The following CALD1 variants were observed in gnomAD, a reference collection of about 807,000 sequenced individuals.
CALD1 encodes the protein caldesmon.
In CALD1, 33 loss-of-function variants were observed where a neutral mutation model predicts 99.9. The observed-to-expected ratio is 0.33, with a 90% CI of 0.25 to 0.44. The LOEUF (loss-of-function observed/expected upper bound fraction) is 0.44, where lower values mean the gene tolerates loss of function less well. Among genes scored for constraint, CALD1 ranks in the 20% least tolerant of loss-of-function variants. The pLI, the probability that CALD1 is intolerant of heterozygous loss-of-function variation, is 1.00. For synonymous variants in CALD1, 310 were observed against 325.0 expected, an observed-to-expected ratio of 0.95 and a Z score of 0.50; for missense variants, 861 against 962.1, an observed-to-expected ratio of 0.89 and a Z score of 1.39.
chr7:134,947,386 G>A (rs1806968767), intron 7 of CALD1, 122 bp from the exon 8 acceptor site: 1 of 987,792 alleles, frequency 1.0e-6, no homozygotes, highest in South Asian at 1.7e-5. Flanking sequence ...CTACCCCCTG[G>A]GCTAATGAGA....
intron 1 of CALD1, among the ~76,000 whole-genome samples, chr7:134,747,202 A>G (rs1796642148): frequency 6.6e-6 from 1 of 152,212 alleles, no homozygotes; most frequent in South Asian, 2.1e-4. Flanking sequence ...GGAACCAAAG[A>G]TAGAAGAAGT....
intron 14 of CALD1, 92 bp from the exon 15 acceptor site, chr7:134,968,248 T>C (rs1808818448): frequency 1.0e-6 from 1 of 998,482 alleles, no homozygotes; most frequent in Admixed American, 1.7e-5. Flanking sequence ...TATTCATTTT[T>C]CTTCTGACTA....
At chr7:134,749,602 A>C (rs977480016) in intron 1 of CALD1, among the ~76,000 whole-genome samples, 2 of 152,136 alleles carry the variant, frequency 1.3e-5, no homozygotes, top group Non-Finnish European at 2.9e-5. Flanking sequence ...AAAAAGAGCG[A>C]AAAAAAGCAA....
intron 3 of CALD1, among the ~76,000 whole-genome samples, chr7:134,911,786 CT>C (rs1338200249): frequency 6.6e-6 from 1 of 152,216 alleles, no homozygotes; most frequent in Non-Finnish European, 1.5e-5. Flanking sequence ...TAAATCCCTG[CT>C]TTATGCAAGG....
rs766006875 is a variant in CALD1, at chr7:134,783,180, T to C, written c.-130+3431T>C. ...AGGAACACCTGGCTGTGGTTCCTGT[T>C]GGTATTGAAACCAGACTGCTCCACG... On this transcript the variant is annotated intron_variant, in intron 1 of 14. Coordinates refer to ENST00000361675, the MANE Select transcript of CALD1 (RefSeq NM_033138.4). The surrounding 1 kb of genome is among the most constrained non-coding windows in gnomAD (Gnocchi z 4.3). Among the ~76,000 whole-genome samples the C allele has an allele frequency of 1.3e-5, 2 of 152,202 alleles. No individual in the cohort carries two copies. The highest frequency in any genetic ancestry group is 2.4e-5 in the African/African-American group (1 of 41,438).
chr7:134,928,505 G>A lies in CALD1; in HGVS notation c.72-249G>A, dbSNP rs1207486852. ...ACTTGCTTTTGTGCAGAATGTTTTAGTTTAAGTTGTTATTTGGTCATTGTA... is the reference window on the plus strand; with the variant it reads ...ACTTGCTTTTGTGCAGAATGTTTTAATTTAAGTTGTTATTTGGTCATTGTA... On this transcript the variant is annotated intron_variant, in intron 3 of 14. Coordinates refer to ENST00000361675, the MANE Select transcript of CALD1 (RefSeq NM_033138.4). 3.4e-5 allele frequency among the ~76,000 whole-genome samples: 5 copies of A among 148,824 alleles called. No homozygotes were observed. The South Asian group carries it at 1.1e-3, about 32-fold the overall frequency.
intron 6 of CALD1, among the ~76,000 whole-genome samples, chr7:134,938,613 G>A (rs116105635): frequency 6.6e-6 from 1 of 152,214 alleles, no homozygotes; most frequent in African/African-American, 2.4e-5. Context: ...AGAATCCCAT[G>A]AGTTTGGGTT....
chr7:134,918,074 A>G (rs1339205531), intron 3 of CALD1, among the ~76,000 whole-genome samples: 1 of 152,216 alleles, frequency 6.6e-6, no homozygotes, highest in East Asian at 1.9e-4. Flanking sequence ...TGTTTGTGGC[A>G]AGATGAATAG....
At chr7:134,834,602 T>C (rs1799357358) in intron 1 of CALD1, among the ~76,000 whole-genome samples, 1 of 152,242 alleles carries the variant, frequency 6.6e-6, no homozygotes, top group Non-Finnish European at 1.5e-5. Context: ...AATACTTGTC[T>C]TACTGACCTC....
chr7:134,784,576 T>C (rs756333865), intron 1 of CALD1, among the ~76,000 whole-genome samples: 3 of 152,146 alleles, frequency 2.0e-5, no homozygotes, highest in Admixed American at 2.0e-4. Flanking sequence ...AAGTAGTGTA[T>C]GGATGAATAA....
intron 1 of CALD1, among the ~76,000 whole-genome samples, chr7:134,822,265 C>T (rs1798812859): frequency 1.2e-5 from 1 of 84,670 alleles, no homozygotes; most frequent in South Asian, 3.5e-4. Flanking sequence ...TGAGGGACTG[C>T]TGGCTATCTT....
intron 3 of CALD1, among the ~76,000 whole-genome samples, chr7:134,902,326 C>T (rs142722222): frequency 1.3e-5 from 2 of 152,254 alleles, no homozygotes; most frequent in African/African-American, 4.8e-5. Context: ...CCCAGGTCTA[C>T]ATAAGTTCAT....
intron 7 of CALD1, among the ~76,000 whole-genome samples, chr7:134,947,020 T>C (rs920629195): frequency 2.6e-5 from 4 of 152,176 alleles, no homozygotes; most frequent in African/African-American, 9.7e-5. Flanking sequence ...TAATATTCCA[T>C]GGTATGGCTA....
At chr7:134,944,525 T>A (rs2133091414) in intron 7 of CALD1, 1 of 151,652 alleles carries the variant, frequency 6.6e-6, no homozygotes, top group South Asian at 2.1e-4. Flanking sequence ...GCATGATATA[T>A]AATATACATA....
At chr7:134,957,003 A>C (rs192049396) in intron 9 of CALD1, among the ~76,000 whole-genome samples, 3 of 152,134 alleles carry the variant, frequency 2.0e-5, no homozygotes, top group Non-Finnish European at 4.4e-5. Flanking sequence ...GCTTTAAAAA[A>C]AAAAGAACTC....
chr7:134,824,090 C>G (rs1798890399), intron 1 of CALD1, among the ~76,000 whole-genome samples: 1 of 152,154 alleles, frequency 6.6e-6, no homozygotes, highest in South Asian at 2.1e-4. Flanking sequence ...GATTCATATG[C>G]TATTTCCTAG....
chr7:134,799,359 A>G (rs896612481), intron 1 of CALD1, among the ~76,000 whole-genome samples: 1 of 152,238 alleles, frequency 6.6e-6, no homozygotes, highest in African/African-American at 2.4e-5. Flanking sequence ...CTTTCATGAA[A>G]GGAATGGTTG....
chr7:134,879,468 A>C (rs1229348636), intron 3 of CALD1, among the ~76,000 whole-genome samples: 1 of 152,240 alleles, frequency 6.6e-6, no homozygotes, highest in Non-Finnish European at 1.5e-5. Context: ...ACATTAGTAA[A>C]GTACAACTTT....
intron 2 of CALD1, among the ~76,000 whole-genome samples, chr7:134,845,951 T>C (rs1799835041): frequency 6.6e-6 from 1 of 152,236 alleles, no homozygotes; most frequent in South Asian, 2.1e-4. Context: ...CTCTGTCCTG[T>C]CTTTTGGGGG....
Sources: allele counts gnomAD v4.1 joint callset (sites outside exome capture counted in the v4.1 genomes callset), GRCh38; gene constraint gnomAD v4.1.1; non-coding constraint Gnocchi (gnomAD v3.1); transcripts MANE v1.5; gene names NCBI Gene and HGNC (gene_info 2026-07-23, HGNC 2026-07-21).